The following ADAMTS12 variants were observed in gnomAD, a reference collection of about 807,000 sequenced individuals.
The protein encoded by ADAMTS12 is ADAM metallopeptidase with thrombospondin type 1 motif 12.
A neutral mutation model predicts 167.8 loss-of-function variants in ADAMTS12; 118 were observed. The ratio of observed to expected loss-of-function variants is 0.70; its 90% CI spans 0.61 to 0.82. The LOEUF is 0.82. Ranked by LOEUF, ADAMTS12 falls within the 40% of genes least tolerant of loss-of-function variation. The pLI is 0.00. For missense variants in ADAMTS12, 1,916 were observed against 1,998.8 expected (o/e 0.96, Z 0.79); for synonymous variants, 704 against 716.9 (o/e 0.98, Z 0.29).
chr5:33,570,642 A>G (rs1746281128), intron 19 of ADAMTS12, among the ~76,000 whole-genome samples: 1 of 152,268 alleles, frequency 6.6e-6, no homozygotes, highest in African/African-American at 2.4e-5. Context: ...CAGCAAAATC[A>G]TGCCAAAATG....
At chr5:33,816,468 C>T (rs1171495695) in intron 2 of ADAMTS12, among the ~76,000 whole-genome samples, 1 of 152,088 alleles carries the variant, frequency 6.6e-6, no homozygotes, top group Non-Finnish European at 1.5e-5. Context: ...ACCATCATCT[C>T]CCCCTTCCCT....
At chr5:33,632,396 A>AAAACAAACAAACAAACAAACAAACAAAC (rs70964407) in intron 12 of ADAMTS12, among the ~76,000 whole-genome samples, 90 of 151,200 alleles carry the variant, frequency 6.0e-4, no homozygotes, top group Middle Eastern at 3.4e-3. Context: ...CCTGAATCCA[A>AAAACAAACAAACAAACAAACAAACAAAC]AAACAAACAA....
intron 5 of ADAMTS12, among the ~76,000 whole-genome samples, chr5:33,663,734 C>T (rs1741367510): frequency 6.6e-6 from 1 of 152,152 alleles, no homozygotes; most frequent in South Asian, 2.1e-4. Flanking sequence ...GCCTCAGTTC[C>T]AGCTCCTTCA....
At chr5:33,582,813 AC>A (rs1240190953) in intron 18 of ADAMTS12, among the ~76,000 whole-genome samples, 1 of 152,202 alleles carries the variant, frequency 6.6e-6, no homozygotes, top group Non-Finnish European at 1.5e-5. Context: ...GCTATAAAAA[AC>A]ATTTGAAATT....
intron 2 of ADAMTS12, among the ~76,000 whole-genome samples, chr5:33,757,263 C>T (rs997079282): frequency 1.3e-5 from 2 of 152,210 alleles, no homozygotes; most frequent in Non-Finnish European, 2.9e-5. Flanking sequence ...GTGCACTGCA[C>T]ACAGGCTTCA....
chr5:33,808,694 T>C (rs1290105128), intron 2 of ADAMTS12, among the ~76,000 whole-genome samples: 1 of 152,202 alleles, frequency 6.6e-6, no homozygotes, highest in East Asian at 1.9e-4. Context: ...ATGAAAGAAC[T>C]GGGTACAGAT....
chr5:33,764,013 C>A (rs1379835217), intron 2 of ADAMTS12, among the ~76,000 whole-genome samples: 2 of 152,140 alleles, frequency 1.3e-5, no homozygotes, highest in African/African-American at 4.8e-5. Context: ...ACCTACAGGG[C>A]TGTAGTGCCA....
At chr5:33,607,884 G>A (rs1365388522) in intron 16 of ADAMTS12, among the ~76,000 whole-genome samples, 1 of 152,118 alleles carries the variant, frequency 6.6e-6, no homozygotes, top group Non-Finnish European at 1.5e-5. Context: ...TAGATAAGAA[G>A]ATTTTTAAAG....
At chr5:33,722,981 A>T (rs542422595) in intron 3 of ADAMTS12, among the ~76,000 whole-genome samples, 1 of 152,300 alleles carries the variant, frequency 6.6e-6, no homozygotes, top group South Asian at 2.1e-4. Context: ...AGAAAAGCAG[A>T]GAGAGTGGGT....
chr5:33,662,552 A>G (rs1413702175), intron 5 of ADAMTS12, among the ~76,000 whole-genome samples: 1 of 146,886 alleles, frequency 6.8e-6, no homozygotes, highest in Non-Finnish European at 1.5e-5. Context: ...AGTGGATGAC[A>G]TAATCTCTCC....
At chr5:33,792,520 A>C (rs1223702197) in intron 2 of ADAMTS12, among the ~76,000 whole-genome samples, 1 of 152,162 alleles carries the variant, frequency 6.6e-6, no homozygotes, top group Non-Finnish European at 1.5e-5. Flanking sequence ...CCAATTATTG[A>C]ATTTGGTGGG....
At chr5:33,638,764 T>C (rs1253412625) in intron 11 of ADAMTS12, among the ~76,000 whole-genome samples, 1 of 152,228 alleles carries the variant, frequency 6.6e-6, no homozygotes, top group Non-Finnish European at 1.5e-5. Flanking sequence ...AGGAGGCTCT[T>C]AATAGATATT....
chr5:33,887,761 T>C (rs1203233264), intron 1 of ADAMTS12, among the ~76,000 whole-genome samples: 1 of 152,084 alleles, frequency 6.6e-6, no homozygotes, highest in African/African-American at 2.4e-5. Context: ...TTATTCTTTT[T>C]TTTTTTTTGA....
intron 23 of ADAMTS12, among the ~76,000 whole-genome samples, chr5:33,529,983 A>G (rs1173911905): frequency 5.3e-5 from 8 of 152,136 alleles, no homozygotes; most frequent in Non-Finnish European, 1.0e-4. Flanking sequence ...GCAGTGGCAC[A>G]ATCTCGGCTC....
At chr5:33,557,727 C>T (rs1745548322) in intron 20 of ADAMTS12, among the ~76,000 whole-genome samples, 1 of 152,132 alleles carries the variant, frequency 6.6e-6, no homozygotes, top group African/African-American at 2.4e-5. Context: ...CCCCAATCCC[C>T]CAGTCTGTTA....
chr5:33,813,862 A>C (rs962196503), intron 2 of ADAMTS12, among the ~76,000 whole-genome samples: 2 of 152,322 alleles, frequency 1.3e-5, no homozygotes, highest in Middle Eastern at 6.8e-3. Flanking sequence ...CCCAAATTGC[A>C]AAACTAACAA....
intron 19 of ADAMTS12, among the ~76,000 whole-genome samples, chr5:33,568,215 C>A (rs1746112968): frequency 6.6e-6 from 1 of 152,154 alleles, no homozygotes; most frequent in African/African-American, 2.4e-5. Context: ...GCATGAAAAC[C>A]TTTTCTACCT....
chr5:33,881,571 T>C (rs1236287545), intron 1 of ADAMTS12, 91 bp from the exon 2 acceptor site: 42 of 1,501,670 alleles, frequency 2.8e-5, no homozygotes, highest in Non-Finnish European at 3.7e-5. Context: ...TAGCTTTTTT[T>C]TTTTTTGGAA....
chr5:33,872,546 G>GAAAA (rs61345844), intron 2 of ADAMTS12, among the ~76,000 whole-genome samples: 20 of 141,966 alleles, frequency 1.4e-4, no homozygotes, highest in African/African-American at 3.1e-4. Context: ...GACTTCATCT[G>GAAAA]AAAAAAAAAA....
Sources: allele counts gnomAD v4.1 joint callset (sites outside exome capture counted in the v4.1 genomes callset), GRCh38; gene constraint gnomAD v4.1.1; transcripts MANE v1.5; gene names NCBI Gene and HGNC (gene_info 2026-07-23, HGNC 2026-07-21).